Variants in C10orf143 observed in about 807,000 individuals in gnomAD.
The protein encoded by C10orf143 is chromosome 10 open reading frame 143, also known as uncharacterized protein C10orf143.
chr10:130,061,568 T>A (rs939418343), downstream of C10orf143, among the ~76,000 whole-genome samples: 5 of 152,200 alleles, frequency 3.3e-5, no homozygotes, highest in Non-Finnish European at 7.3e-5. Flanking sequence ...TAACAGATTA[T>A]AATTAAAGAA....
chr10:130,097,133 T>A (rs1264475889), intron 1 of C10orf143, among the ~76,000 whole-genome samples: 1 of 151,688 alleles, frequency 6.6e-6, no homozygotes, highest in East Asian at 1.9e-4. Flanking sequence ...GCCCAGAATA[T>A]ATTAAAAACT....
chr10:130,073,784 A>C (rs897760668), intron 3 of C10orf143, among the ~76,000 whole-genome samples: 6 of 152,186 alleles, frequency 3.9e-5, no homozygotes, highest in African/African-American at 1.4e-4. Context: ...AATGACCTAA[A>C]TAACAGTTAA....
At chr10:130,043,878 T>C (rs1251845585) in intron 3 of C10orf143, among the ~76,000 whole-genome samples, 3 of 152,210 alleles carry the variant, frequency 2.0e-5, no homozygotes, top group Non-Finnish European at 2.9e-5. Context: ...AACCTACTTG[T>C]AGCTCGTCAT....
In C10orf143 at chr10:130,056,198, G is replaced by A. The variant is rs1254263841; in HGVS notation, c.298-20228C>T. Among the ~76,000 whole-genome samples the A allele has an allele frequency of 6.6e-6, 1 of 152,208 alleles. No individual in the cohort carries two copies. Among genetic ancestry groups the A allele is most frequent in the African/African-American group, 2.4e-5 (1 of 41,442 alleles). ...GATTTAGGGCTGAAAACATCACCGT[G>A]TATTTAGTAAATGTGCAATTAACCC... On this transcript the variant is annotated intron_variant and NMD_transcript_variant, in intron 3 of 5. Transcript: ENST00000643056. The surrounding 1 kb of genome is among the most constrained non-coding windows in gnomAD (Gnocchi z 4.6).
intron 1 of C10orf143, chr10:130,106,099 G>A (rs1245770525): frequency 7.9e-6 from 5 of 630,642 alleles, no homozygotes; most frequent in Admixed American, 2.0e-5. Context: ...TCCTGGGGGA[G>A]CCACGCAGGG....
At chr10:130,054,790 C>T (rs1184764403) in intron 3 of C10orf143, among the ~76,000 whole-genome samples, 1 of 152,162 alleles carries the variant, frequency 6.6e-6, no homozygotes, top group Non-Finnish European at 1.5e-5. Context: ...CTGTTAAAGG[C>T]ATCACACTTT....
In C10orf143 at chr10:130,073,995, T is replaced by C. The variant is rs1861073676; in HGVS notation, c.297+5571A>G. 3.3e-5 allele frequency among the ~76,000 whole-genome samples: 5 copies of C among 152,158 alleles called. No homozygotes were observed. The South Asian group carries it at 1.0e-3, about 32-fold the overall frequency. Reference sequence around the variant, plus strand: ...CCTCACAGTGTGAGTAAATCAGCCCTGTGTCTTAGCCAAGAGCTTCTCACT... The same window carrying C: ...CCTCACAGTGTGAGTAAATCAGCCCCGTGTCTTAGCCAAGAGCTTCTCACT... On this transcript the variant is annotated intron_variant, in intron 3 of 3. Transcript: ENST00000637128.
At position 130,110,799 on chromosome 10, in the gene C10orf143, C is replaced by G. The variant is rs930138501; in HGVS notation, c.-27G>C. 3 of 398,774 alleles carry G rather than the reference C, an allele frequency of 7.5e-6. No individual in the cohort carries two copies. Among genetic ancestry groups the G allele is most frequent in the South Asian group, 1.3e-4 (1 of 7,870 alleles). 24.7% of individuals were successfully genotyped at this position (398,774 alleles called of 1,614,324 possible). ...CAGCCCCAGGGTCAAACCCTCCCGG[C>G]ATCTCAGGCCTGGCCGAGGCCCGCG... On this transcript the variant is annotated 5_prime_UTR_variant, in exon 1 of 4. It removes an upstream start codon present in the reference 5' UTR. Coordinates refer to ENST00000637128, the MANE Select transcript of C10orf143 (RefSeq NM_001355042.2).
At chr10:130,105,896 G>A (rs1472766753) in intron 1 of C10orf143, 4 of 363,574 alleles carry the variant, frequency 1.1e-5, no homozygotes. Flanking sequence ...GTGAGCGCCC[G>A]CATCCCCCAG....
rs375795006 is a variant in C10orf143, at chr10:130,072,301, T to C, written c.297+7265A>G. On this transcript the variant is annotated intron_variant, in intron 3 of 3. Coordinates refer to ENST00000637128, the MANE Select transcript of C10orf143 (RefSeq NM_001355042.2). ...AAAATTGTTTGACCACATATGCCTT[T>C]CTTCAATTCTGGAAAATTCTCAGCC... is the stretch of plus-strand genomic sequence containing the variant. Among the ~76,000 whole-genome samples the C allele has an allele frequency of 5.0e-4, 76 of 152,348 alleles. No homozygotes were observed. The South Asian group carries it at 0.014, about 28-fold the overall frequency.
chr10:130,056,921 CTG>C lies in C10orf143; in HGVS notation c.298-20953_298-20952del, dbSNP rs557322874. 6.6e-5 allele frequency among the ~76,000 whole-genome samples: 10 copies of C among 151,968 alleles called. No homozygotes were observed. Among genetic ancestry groups the C allele is most frequent in the African/African-American group, 2.4e-4 (10 of 41,438 alleles). ...CTTTCATTTTTTATACAGAGTCTCACTGTGTCTCCCAGGCTGGAGTAGGTGGC... is the reference window on the plus strand; with the variant it reads ...CTTTCATTTTTTATACAGAGTCTCACTGTCTCCCAGGCTGGAGTAGGTGGC... On this transcript the variant is annotated intron_variant and NMD_transcript_variant, in intron 3 of 5. Transcript: ENST00000643056. This position sits in a 1 kb window ranked among gnomAD's most constrained non-coding sequence, Gnocchi z 4.6.
chr10:130,071,748 C>T (rs1263813175), intron 3 of C10orf143, among the ~76,000 whole-genome samples: 1 of 152,186 alleles, frequency 6.6e-6, no homozygotes, highest in African/African-American at 2.4e-5. Context: ...CTGCCTCAGC[C>T]TCCCGAGTAG....
downstream of C10orf143, among the ~76,000 whole-genome samples, chr10:130,061,289 T>C (rs1455409683): frequency 1.3e-5 from 2 of 152,212 alleles, no homozygotes; most frequent in Non-Finnish European, 2.9e-5. Context: ...TTATCTAAAA[T>C]TTATAATTAA....
rs887990092 is a variant in C10orf143, at chr10:130,035,518, G to T, written c.410+340C>A. ...CCCTCTCCTAAAAGGCTGCAAAGGGGTGCAGCTGCCTCATGGCCCCTATGT... is the reference window on the plus strand; with the variant it reads ...CCCTCTCCTAAAAGGCTGCAAAGGGTTGCAGCTGCCTCATGGCCCCTATGT... On this transcript the variant is annotated intron_variant and NMD_transcript_variant, in intron 4 of 5. Transcript: ENST00000643056. Among the ~76,000 whole-genome samples the T allele has an allele frequency of 2.0e-5, 3 of 152,202 alleles. No homozygotes were observed. In the South Asian group the frequency reaches 6.2e-4, roughly 31 times the overall value.
chr10:130,101,217 G>GAA (rs543090683), intron 1 of C10orf143: 5 of 135,286 alleles, frequency 3.7e-5, no homozygotes, highest in Admixed American at 2.2e-4. Context: ...TCTGTCTGGG[G>GAA]AAAAAAAAAA....
intron 3 of C10orf143, among the ~76,000 whole-genome samples, chr10:130,076,528 C>T (rs1015277601): frequency 2.6e-5 from 4 of 152,156 alleles, no homozygotes; most frequent in South Asian, 2.1e-4. Flanking sequence ...TGAGAGGCTA[C>T]AAAACGTCAG....
At chr10:130,102,309 C>CT (rs1382216112) in intron 1 of C10orf143, among the ~76,000 whole-genome samples, 2 of 152,012 alleles carry the variant, frequency 1.3e-5, no homozygotes, top group African/African-American at 4.8e-5. Flanking sequence ...TTGAGACACT[C>CT]TCACTCTGCC....
chr10:130,036,079 T>C (rs1860541986), intron 3 of C10orf143: 1 of 152,194 alleles, frequency 6.6e-6, no homozygotes, highest in African/African-American at 2.4e-5. Context: ...CCTTATTACC[T>C]CCTTGTAGGC....
intron 3 of C10orf143, among the ~76,000 whole-genome samples, chr10:130,040,464 T>C (rs1161666015): frequency 6.6e-6 from 1 of 152,092 alleles, no homozygotes; most frequent in Non-Finnish European, 1.5e-5. Context: ...AGTCACATTC[T>C]TCCTGCACAT....
Sources: gnomAD v4.1 joint callset for allele counts (sites outside exome capture counted in the v4.1 genomes callset) on GRCh38, gnomAD v4.1.1 for gene constraint, Gnocchi (gnomAD v3.1) non-coding constraint, MANE v1.5 for transcripts, NCBI Gene and HGNC (gene_info 2026-07-23, HGNC 2026-07-21) for gene names.